Variants in SPAG17 observed in about 807,000 individuals in gnomAD.
The protein encoded by SPAG17 is sperm associated antigen 17.
In SPAG17, 169 loss-of-function variants were observed where a neutral mutation model predicts 273.6. The ratio of observed to expected loss-of-function variants is 0.62; its 90% CI spans 0.55 to 0.70. The LOEUF (loss-of-function observed/expected upper bound fraction) is 0.70. SPAG17 is among the 30% of genes least tolerant of loss of function. The pLI, the probability that SPAG17 is intolerant of heterozygous loss-of-function variation, is 0.00. For missense variants in SPAG17, 2,557 were observed against 2,627.8 expected (o/e 0.97, Z 0.59); for synonymous variants, 825 against 873.2 (o/e 0.94, Z 0.97).
intron 10 of SPAG17, among the ~76,000 whole-genome samples, chr1:118,090,835 A>G (rs567683570): frequency 6.6e-6 from 1 of 152,274 alleles, no homozygotes; most frequent in South Asian, 2.1e-4. Flanking sequence ...GTGAACTATG[A>G]TTGTGCTACT....
chr1:118,147,991 G>GA (rs1397987617), intron 3 of SPAG17, among the ~76,000 whole-genome samples: 2 of 152,130 alleles, frequency 1.3e-5, no homozygotes, highest in African/African-American at 4.8e-5. Flanking sequence ...TAAAGCTAAC[G>GA]AGAGTACCCT....
At chr1:118,061,714 A>T (rs1652318937) in intron 18 of SPAG17, among the ~76,000 whole-genome samples, 1 of 152,216 alleles carries the variant, frequency 6.6e-6, no homozygotes, top group Admixed American at 6.5e-5. Context: ...GTGATGGTAT[A>T]TGTTCATGCA....
At chr1:118,133,843 T>C (rs975743366) in intron 3 of SPAG17, among the ~76,000 whole-genome samples, 1 of 152,196 alleles carries the variant, frequency 6.6e-6, no homozygotes, top group African/African-American at 2.4e-5. Context: ...TTCCCTAGCC[T>C]GAATTTTGAC....
At chr1:118,032,194 CT>C (rs1648553065) in intron 24 of SPAG17, among the ~76,000 whole-genome samples, 1 of 151,978 alleles carries the variant, frequency 6.6e-6, no homozygotes, top group South Asian at 2.1e-4. Flanking sequence ...TTGAGAGGCT[CT>C]TCTTATGTAT....
intron 18 of SPAG17, among the ~76,000 whole-genome samples, chr1:118,060,508 T>C (rs956808920): frequency 2.6e-5 from 4 of 152,190 alleles, no homozygotes; most frequent in African/African-American, 9.6e-5. Flanking sequence ...CAACTAGTTA[T>C]TTTAATACAT....
intron 1 of SPAG17, among the ~76,000 whole-genome samples, chr1:118,154,830 T>C (rs949771842): frequency 3.9e-5 from 6 of 152,060 alleles, no homozygotes; most frequent in East Asian, 1.9e-4. Context: ...ACTAATTACA[T>C]CCAAACTTCT....
At chr1:117,957,305 G>T in intron 48 of SPAG17, 1 of 1,352,368 alleles carries the variant, frequency 7.4e-7, no homozygotes, top group South Asian at 1.7e-5. Flanking sequence ...TGCCGAACTC[G>T]GTGGCTCACA....
In SPAG17 at chr1:118,081,209, T is replaced by C; in HGVS notation, c.2101A>G (p.Asn701Asp). The C allele has an allele frequency of 6.2e-7, 1 of 1,614,050 alleles. No homozygotes were observed. Among genetic ancestry groups the C allele is most frequent in the Non-Finnish European group, 8.5e-7 (1 of 1,179,952 alleles). The change falls in exon 15 of 49, where the codon AAT becomes GAT. Residue 701 changes from asparagine to aspartate, a missense_variant. Coordinates refer to ENST00000336338, the MANE Select transcript of SPAG17 (RefSeq NM_206996.4). Reference sequence around the variant, plus strand: ...TTATTCAAGTCAGAATGCTTCATATTGTTAGCATCACACTGACTAGGATCT... The same window carrying C: ...TTATTCAAGTCAGAATGCTTCATATCGTTAGCATCACACTGACTAGGATCT... Reference protein sequence around the residue: ...PSDPSQCDANNMKHSDLNNLK... With the variant: ...PSDPSQCDANDMKHSDLNNLK...
At chr1:118,089,050 G>A (rs1655192987) in intron 10 of SPAG17, among the ~76,000 whole-genome samples, 1 of 152,106 alleles carries the variant, frequency 6.6e-6, no homozygotes, top group Non-Finnish European at 1.5e-5. Context: ...TCTAGTAGGA[G>A]GACGGGGAAG....
chr1:117,971,681 A>G (rs2101510232), intron 45 of SPAG17, 182 bp downstream of exon 45: 2 of 472,730 alleles, frequency 4.2e-6, no homozygotes, highest in East Asian at 6.7e-5. Context: ...CCCGATAAAC[A>G]CTCACTGATT....
chr1:118,093,860 C>T (rs897962335), intron 7 of SPAG17, among the ~76,000 whole-genome samples: 1 of 152,198 alleles, frequency 6.6e-6, no homozygotes, highest in Non-Finnish European at 1.5e-5. Flanking sequence ...TCTACCTCTA[C>T]AGCAAAACAC....
At chr1:117,984,807 C>T in intron 40 of SPAG17, 25 bp from the exon 41 acceptor site, 1 of 1,375,686 alleles carries the variant, frequency 7.3e-7, no homozygotes, top group South Asian at 1.2e-5. Context: ...CATGATGATG[C>T]AAAAGAAGAC....
chr1:118,163,492 A>C (rs937677746), intron 1 of SPAG17, among the ~76,000 whole-genome samples: 2 of 151,274 alleles, frequency 1.3e-5, no homozygotes, highest in African/African-American at 4.9e-5. Context: ...TGGCCCCAAG[A>C]ACTTACTCCT....
At chr1:118,168,489 G>C (rs978924489) in intron 1 of SPAG17, among the ~76,000 whole-genome samples, 1 of 152,140 alleles carries the variant, frequency 6.6e-6, no homozygotes, top group Admixed American at 6.5e-5. Flanking sequence ...AAAGAAAACA[G>C]GCCATGAGGC....
chr1:117,970,095 TG>T lies in SPAG17; in HGVS notation c.6347del (p.Pro2116HisfsTer6). ...AAGTCACTTTCAGTCCTGTGCTGGG[TG>T]GGGGCTGCTTTACTTTAAACCTACA... The part of the protein sequence containing the change: ...DFCRFKVKQP[P>X]PSTGLKVTYK... On this transcript the variant is annotated frameshift_variant, in exon 46 of 49. Transcript: ENST00000336338. LOFTEE classifies it high-confidence loss of function. 2 of 1,613,196 alleles carry T rather than the reference TG, an allele frequency of 1.2e-6. No individual in the cohort carries two copies. The highest frequency in any genetic ancestry group is 1.7e-6 in the Non-Finnish European group (2 of 1,179,660).
At chr1:117,955,763 CA>C (rs201854117) in intron 48 of SPAG17, among the ~76,000 whole-genome samples, 5,375 of 141,342 alleles carry the variant, frequency 0.038, 245 homozygotes, top group African/African-American at 0.11. Flanking sequence ...TCATATTCTT[CA>C]AAAAAAAAAA....
intron 43 of SPAG17, among the ~76,000 whole-genome samples, chr1:117,975,190 A>G (rs1450341126): frequency 6.6e-6 from 1 of 152,124 alleles, no homozygotes; most frequent in East Asian, 1.9e-4. Flanking sequence ...AACAGGAACA[A>G]GTAGGGATGG....
chr1:118,012,503 T>A, intron 29 of SPAG17, 131 bp from the exon 30 acceptor site: 1 of 958,724 alleles, frequency 1.0e-6, no homozygotes, highest in Non-Finnish European at 1.5e-6. Context: ...AAGTTTTATC[T>A]CATCTACCTG....
intron 18 of SPAG17, among the ~76,000 whole-genome samples, chr1:118,062,366 C>CAAAAAA (rs56029752): frequency 8.6e-5 from 4 of 46,410 alleles, no homozygotes; most frequent in Middle Eastern, 0.022. Flanking sequence ...GACTCCATCT[C>CAAAAAA]AAAAAAAAAA....
Sources: gnomAD v4.1 joint callset for allele counts (sites outside exome capture counted in the v4.1 genomes callset) on GRCh38, gnomAD v4.1.1 for gene constraint, MANE v1.5 for transcripts, NCBI Gene and HGNC (gene_info 2026-07-23, HGNC 2026-07-21) for gene names.